ARNT2: variants seen among roughly 807,000 people sequenced by gnomAD.
ARNT2 encodes aryl hydrocarbon receptor nuclear translocator 2.
In ARNT2, 36 loss-of-function variants were observed where a neutral mutation model predicts 91.7. The observed-to-expected ratio is 0.39, with a 90% CI of 0.30 to 0.52. The LOEUF (loss-of-function observed/expected upper bound fraction) is 0.52, where lower values mean the gene tolerates loss of function less well. Ranked by LOEUF, ARNT2 falls within the 20% of genes least tolerant of loss-of-function variation. ARNT2 has a pLI of 0.72. For missense variants in ARNT2, 775 were observed against 939.3 expected (o/e 0.83, Z 2.29); for synonymous variants, 365 against 347.1 (o/e 1.05, Z -0.57).
At chr15:80,456,233 G>GT (rs1226993858) in intron 2 of ARNT2, among the ~76,000 whole-genome samples, 4 of 151,872 alleles carry the variant, frequency 2.6e-5, no homozygotes, top group Admixed American at 6.6e-5. Flanking sequence ...GCAGAGGTGT[G>GT]TGTCTGTCTC....
intron 3 of ARNT2, among the ~76,000 whole-genome samples, chr15:80,469,177 T>G (rs114278677): frequency 2.8e-3 from 431 of 152,322 alleles, no homozygotes; most frequent in African/African-American, 1.0e-2. Flanking sequence ...GAGTTGGCTG[T>G]GACTCCTTCA....
chr15:80,412,862 T>C (rs971209987), intron 1 of ARNT2, among the ~76,000 whole-genome samples: 2 of 152,194 alleles, frequency 1.3e-5, no homozygotes, highest in Admixed American at 6.5e-5. Flanking sequence ...GAACAGAGGC[T>C]CAGAGAGAGG....
At chr15:80,566,591 C>T (rs183863501) in intron 12 of ARNT2, among the ~76,000 whole-genome samples, 17 of 152,232 alleles carry the variant, frequency 1.1e-4, no homozygotes, top group African/African-American at 3.4e-4. Context: ...CCCTGCCAGA[C>T]GTGTCTGTGG....
intron 18 of ARNT2, among the ~76,000 whole-genome samples, chr15:80,593,012 G>A (rs1893307917): frequency 6.6e-6 from 1 of 152,168 alleles, no homozygotes; most frequent in African/African-American, 2.4e-5. Flanking sequence ...AGTATCACAT[G>A]GGCTGAGAAT....
At position 80,581,318 on chromosome 15, in the gene ARNT2, C is replaced by T. The variant is rs776061023; in HGVS notation, c.1832C>T (p.Ser611Phe). ...GTSHTYPADP[S>F]SYSPLSSPAT... Reference sequence around the variant, plus strand: ...AGCCACACCTACCCGGCAGACCCCTCTTCCTACAGCCCCCTCTCCAGCCCA... The same window carrying T: ...AGCCACACCTACCCGGCAGACCCCTTTTCCTACAGCCCCCTCTCCAGCCCA... Residue 611 changes from serine (S) to phenylalanine (F), a missense_variant, in exon 17 of 19, where the codon TCT (serine) becomes TTT (phenylalanine). Ser to Phe is a radical substitution (Grantham distance 155). Transcript: ENST00000303329. The T allele has an allele frequency of 6.2e-7, 1 of 1,614,240 alleles. No homozygotes were observed.
intron 1 of ARNT2, among the ~76,000 whole-genome samples, chr15:80,407,485 A>G (rs978098190): frequency 2.0e-5 from 3 of 152,186 alleles, no homozygotes; most frequent in Non-Finnish European, 2.9e-5. Context: ...AGAAGAAAGG[A>G]TTGGGCTCCC....
At chr15:80,505,761 G>T (rs1897263815) in intron 5 of ARNT2, among the ~76,000 whole-genome samples, 1 of 152,126 alleles carries the variant, frequency 6.6e-6, no homozygotes, top group African/African-American at 2.4e-5. Flanking sequence ...CAATGACAAA[G>T]ATAGGGGACT....
chr15:80,516,788 A>C (rs1897439903), intron 8 of ARNT2, among the ~76,000 whole-genome samples: 1 of 140,294 alleles, frequency 7.1e-6, no homozygotes, highest in Non-Finnish European at 1.5e-5. Context: ...CTTTGCCCTA[A>C]GTTTGCAACA....
intron 1 of ARNT2, among the ~76,000 whole-genome samples, chr15:80,432,814 C>T (rs566163655): frequency 4.6e-4 from 70 of 152,230 alleles, no homozygotes; most frequent in African/African-American, 1.5e-3. Flanking sequence ...CCTTTTTCTC[C>T]TCCAGAAGCT....
chr15:80,411,660 C>T (rs986458572), intron 1 of ARNT2, among the ~76,000 whole-genome samples: 13 of 151,816 alleles, frequency 8.6e-5, no homozygotes, highest in African/African-American at 2.9e-4. Flanking sequence ...CAGAATTGAA[C>T]AGTCGAATGT....
chr15:80,408,001 C>T (rs1895625274), intron 1 of ARNT2, among the ~76,000 whole-genome samples: 1 of 145,246 alleles, frequency 6.9e-6, no homozygotes, highest in Non-Finnish European at 1.6e-5. Flanking sequence ...TAATAAGGCT[C>T]ATATGTTTTA....
chr15:80,492,014 T>A (rs1897064197), intron 5 of ARNT2, among the ~76,000 whole-genome samples: 1 of 152,072 alleles, frequency 6.6e-6, no homozygotes, highest in Non-Finnish European at 1.5e-5. Context: ...TGCTATTCTG[T>A]TTATGCAGAG....
intron 8 of ARNT2, among the ~76,000 whole-genome samples, chr15:80,521,541 C>T (rs8034361): frequency 0.33 from 50,160 of 151,888 alleles, 8,731 homozygotes; most frequent in African/African-American, 0.39. Flanking sequence ...GAGAAAGCAG[C>T]TATAGCAATA....
At chr15:80,565,510 GC>G (rs1898461454) in intron 12 of ARNT2, among the ~76,000 whole-genome samples, 2 of 150,434 alleles carry the variant, frequency 1.3e-5, no homozygotes. Flanking sequence ...CTGCAACCTT[GC>G]CAGCATCTGT....
At chr15:80,516,689 G>A (rs992116285) in intron 8 of ARNT2, among the ~76,000 whole-genome samples, 15 of 151,306 alleles carry the variant, frequency 9.9e-5, no homozygotes, top group Non-Finnish European at 2.1e-4. Context: ...TTGATTGATA[G>A]CTACCATGTT....
chr15:80,467,226 T>C (rs1158104711), intron 3 of ARNT2, among the ~76,000 whole-genome samples: 3 of 151,916 alleles, frequency 2.0e-5, no homozygotes, highest in African/African-American at 4.8e-5. Flanking sequence ...GAAAAGGTGG[T>C]TGGTGACAAG....
Position 80,552,724 on chromosome 15 carries a change from A to G in ARNT2, c.1039A>G (p.Ile347Val). The change falls in exon 10 of 19, where the codon ATC becomes GTC. Residue 347 changes from isoleucine to valine, a missense_variant. Physicochemically the swap from Ile to Val is conservative, Grantham distance 29. Coordinates refer to ENST00000303329, the MANE Select transcript of ARNT2 (RefSeq NM_014862.4). ...ATCCCGGCATAACTCCGATGGAATC[A>G]TCACATTTGTGGATCCAAGATGTAT... ...FLSRHNSDGI[I>V]TFVDPRCISV... The G allele has an allele frequency of 6.2e-7, 1 of 1,614,192 alleles. No individual in the cohort carries two copies. Among genetic ancestry groups the G allele is most frequent in the Non-Finnish European group, 8.5e-7 (1 of 1,180,004 alleles).
At chr15:80,448,882 G>A (rs2141379236) in intron 1 of ARNT2, among the ~76,000 whole-genome samples, 1 of 152,320 alleles carries the variant, frequency 6.6e-6, no homozygotes. Flanking sequence ...CTACTCGGGA[G>A]GCTGAGGCAG....
chr15:80,431,606 T>A (rs887582648), intron 1 of ARNT2, among the ~76,000 whole-genome samples: 2 of 151,724 alleles, frequency 1.3e-5, no homozygotes, highest in Non-Finnish European at 2.9e-5. Flanking sequence ...GGAATAGGGG[T>A]CCTTACAGAC....
Sources: gnomAD v4.1 joint callset for allele counts (sites outside exome capture counted in the v4.1 genomes callset) on GRCh38, gnomAD v4.1.1 for gene constraint, MANE v1.5 for transcripts, NCBI Gene and HGNC (gene_info 2026-07-23, HGNC 2026-07-21) for gene names.